The following ALMS1 variants were observed in gnomAD, a reference collection of about 807,000 sequenced individuals.
ALMS1 encodes the protein centrosome-associated protein ALMS1.
A neutral mutation model predicts 352.2 loss-of-function variants in ALMS1; 271 were observed. The observed-to-expected ratio is 0.77, with a 90% CI of 0.70 to 0.85. The LOEUF (loss-of-function observed/expected upper bound fraction) is 0.85. Ranked by LOEUF, ALMS1 falls within the 40% of genes least tolerant of loss-of-function variation. The probability of loss-of-function intolerance (pLI) is 0.00; values close to 1 mark genes in which losing one functional copy is unlikely to be tolerated. For missense variants in ALMS1, 5,445 were observed against 4,870.7 expected (o/e 1.12, Z -3.51); for synonymous variants, 1,865 against 1,761.2 (o/e 1.06, Z -1.48).
chr2:73,449,688 A>T lies in ALMS1; in HGVS notation c.3161A>T (p.Glu1054Val). ...CAGTCTAGTTCTTACCCACAGAGGG[A>T]GAAGCCTAGTGTTTTGTACCCACAG... is the stretch of plus-strand genomic sequence containing the variant. ...AVQSSSYPQR[E>V]KPSVLYPQVL... Residue 1054 changes from glutamate (E) to valine (V), a missense_variant, in exon 8 of 23, where the codon GAG (glutamate) becomes GTG (valine). By Grantham distance (121) the Glu-to-Val change is moderately radical. Coordinates refer to ENST00000613296, the MANE Select transcript of ALMS1 (RefSeq NM_001378454.1). 5 of 1,614,092 alleles carry T rather than the reference A, an allele frequency of 3.1e-6. No individual in the cohort carries two copies. The highest frequency in any genetic ancestry group is 4.2e-6 in the Non-Finnish European group (5 of 1,179,964).
At chr2:73,485,054 T>G (rs1307055991) in intron 9 of ALMS1, among the ~76,000 whole-genome samples, 1 of 152,242 alleles carries the variant, frequency 6.6e-6, no homozygotes, top group Non-Finnish European at 1.5e-5. Context: ...TTTGATCGTC[T>G]GAAGCCTTCT....
chr2:73,598,802 T>C (rs188453635), intron 16 of ALMS1, among the ~76,000 whole-genome samples: 1 of 152,204 alleles, frequency 6.6e-6, no homozygotes, highest in Non-Finnish European at 1.5e-5. Flanking sequence ...ATCTTGTTAA[T>C]CATTTTGTCA....
chr2:73,598,174 T>C (rs1023993171), intron 16 of ALMS1, among the ~76,000 whole-genome samples: 1 of 152,232 alleles, frequency 6.6e-6, no homozygotes, highest in Non-Finnish European at 1.5e-5. Context: ...TAACTCCATC[T>C]TGCCCTCAAA....
At chr2:73,409,865 A>G (rs1458503176) in intron 2 of ALMS1, among the ~76,000 whole-genome samples, 1 of 152,204 alleles carries the variant, frequency 6.6e-6, no homozygotes, top group East Asian at 1.9e-4. Context: ...TATAGTTCCA[A>G]TTCAAGTCCA....
intron 10 of ALMS1, among the ~76,000 whole-genome samples, chr2:73,511,866 C>G (rs976676307): frequency 6.6e-6 from 1 of 152,084 alleles, no homozygotes; most frequent in Non-Finnish European, 1.5e-5. Context: ...TTCAAAATGT[C>G]AGTGCTGAGG....
At chr2:73,579,359 C>A (rs2104124947) in intron 16 of ALMS1, among the ~76,000 whole-genome samples, 1 of 150,014 alleles carries the variant, frequency 6.7e-6, no homozygotes, top group African/African-American at 2.4e-5. Flanking sequence ...TGTACCTGGC[C>A]TTCTTTTTTT....
At position 73,385,984 on chromosome 2, in the gene ALMS1, A is replaced by T; in HGVS notation, c.116A>T (p.Asp39Val). The T allele has an allele frequency of 1.9e-6, 3 of 1,549,148 alleles. No homozygotes were observed. The highest frequency in any genetic ancestry group is 2.6e-6 in the Non-Finnish European group (3 of 1,145,648). The change falls in exon 1 of 23, where the codon GAC (aspartate) becomes GTC (valine). Residue 39 changes from aspartate (D) to valine (V), a missense_variant. Transcript: ENST00000613296. ...AAAAAAANVD[D>V]VVVVEEVEEE... is the part of the protein sequence containing the mutation. Reference sequence around the variant, plus strand: ...GCGGCGGCGGCGGCGAACGTGGACGACGTAGTGGTCGTGGAGGAGGTGGAG... The same window carrying T: ...GCGGCGGCGGCGGCGAACGTGGACGTCGTAGTGGTCGTGGAGGAGGTGGAG...
chr2:73,590,806 G>A (rs954564541), intron 16 of ALMS1, among the ~76,000 whole-genome samples: 2 of 151,026 alleles, frequency 1.3e-5, no homozygotes, highest in Admixed American at 1.3e-4. Context: ...AGCCTCCTGA[G>A]TAGTTGGGAT....
chr2:73,442,031 A>T (rs1305160527), intron 7 of ALMS1, among the ~76,000 whole-genome samples: 1 of 152,196 alleles, frequency 6.6e-6, no homozygotes, highest in African/African-American at 2.4e-5. Context: ...TAACTTTTCT[A>T]AAATCTGCAG....
intron 2 of ALMS1, among the ~76,000 whole-genome samples, chr2:73,418,584 T>A (rs915522875): frequency 1.3e-5 from 2 of 152,238 alleles, no homozygotes; most frequent in Non-Finnish European, 1.5e-5. Flanking sequence ...GTCTGCAGAT[T>A]GCTTAACATG....
intron 13 of ALMS1, among the ~76,000 whole-genome samples, chr2:73,551,008 A>G (rs1001236081): frequency 6.6e-6 from 1 of 151,564 alleles, no homozygotes; most frequent in Non-Finnish European, 1.5e-5. Flanking sequence ...TGCCTGGCTA[A>G]TAATTTTTTT....
chr2:73,517,649 ATTTTAT>A (rs1237908012), intron 10 of ALMS1, among the ~76,000 whole-genome samples: 1 of 150,366 alleles, frequency 6.7e-6, no homozygotes, highest in African/African-American at 2.4e-5. Context: ...TTTTTTTTTC[ATTTTAT>A]TTTTATTTTT....
chr2:73,471,755 A>G (rs1461502143), intron 9 of ALMS1, among the ~76,000 whole-genome samples: 1 of 151,936 alleles, frequency 6.6e-6, no homozygotes, highest in African/African-American at 2.4e-5. Context: ...AGAACCCTGT[A>G]CACTGTAGAT....
At chr2:73,408,417 C>G (rs934728579) in intron 1 of ALMS1, among the ~76,000 whole-genome samples, 1 of 152,160 alleles carries the variant, frequency 6.6e-6, no homozygotes, top group African/African-American at 2.4e-5. Context: ...GGTTAAGGAA[C>G]TGCTGTGGTT....
rs202172921 is a variant in ALMS1, at chr2:73,600,697, C to T, written c.11688C>T (p.Asn3896=). Residue 3896 remains asparagine, a synonymous_variant, in exon 18 of 23, where the codon AAC becomes AAT. Transcript: ENST00000613296. ...GIQAGNLEIV[N]GAKKHTRDVG... is the part of the protein sequence containing the mutation. ...CCTCAGGTAACTTGGAGATTGTGAA[C>T]GGTGCCAAAAAACACACTCGAGATG... The T allele has an allele frequency of 1.1e-4, 173 of 1,613,532 alleles. 1 individual carries two copies. The South Asian group carries it at 1.5e-3, about 14-fold the overall frequency.
At chr2:73,515,768 TACACACACACACAC>T (rs71406825) in intron 10 of ALMS1, among the ~76,000 whole-genome samples, 110 of 141,586 alleles carry the variant, frequency 7.8e-4, no homozygotes, top group South Asian at 2.3e-3. Context: ...TCCACAGAAA[TACACACACACACAC>T]ACACACACAC....
At chr2:73,413,397 T>G (rs1036366895) in intron 2 of ALMS1, among the ~76,000 whole-genome samples, 2 of 152,222 alleles carry the variant, frequency 1.3e-5, no homozygotes, top group Admixed American at 6.5e-5. Context: ...CCTATGTCAC[T>G]GAGATTTTTC....
chr2:73,575,906 A>G (rs1675043602), intron 16 of ALMS1, among the ~76,000 whole-genome samples: 1 of 151,972 alleles, frequency 6.6e-6, no homozygotes, highest in Non-Finnish European at 1.5e-5. Flanking sequence ...TATTTGCCAA[A>G]TCCAGTGTCG....
intron 15 of ALMS1, among the ~76,000 whole-genome samples, chr2:73,559,365 T>A (rs1674610758): frequency 6.6e-6 from 1 of 152,072 alleles, no homozygotes; most frequent in Non-Finnish European, 1.5e-5. Flanking sequence ...TTGGAAAAGA[T>A]ATTAGCAACT....
Sources: gnomAD v4.1 joint callset for allele counts (sites outside exome capture counted in the v4.1 genomes callset) on GRCh38, gnomAD v4.1.1 for gene constraint, MANE v1.5 for transcripts, NCBI Gene and HGNC (gene_info 2026-07-23, HGNC 2026-07-21) for gene names.